The following RFWD3 variants were observed in gnomAD, a reference collection of about 807,000 sequenced individuals.
RFWD3 encodes the protein E3 ubiquitin-protein ligase RFWD3.
A neutral mutation model predicts 87.7 loss-of-function variants in RFWD3; 65 were observed. The observed-to-expected ratio is 0.74, with a 90% CI of 0.61 to 0.91. RFWD3 has a LOEUF of 0.91. Among genes scored for constraint, RFWD3 ranks in the 40% least tolerant of loss-of-function variants. The probability of loss-of-function intolerance (pLI) is 0.00; values close to 1 mark genes in which losing one functional copy is unlikely to be tolerated. For synonymous variants in RFWD3, 433 were observed against 352.8 expected, an observed-to-expected ratio of 1.23 and a Z score of -2.55; for missense variants, 1,078 against 938.5, an observed-to-expected ratio of 1.15 and a Z score of -1.94.
intron 6 of RFWD3, among the ~76,000 whole-genome samples, chr16:74,638,211 CGA>C (rs1959316001): frequency 1.3e-5 from 2 of 151,916 alleles, no homozygotes; most frequent in South Asian, 4.1e-4. Flanking sequence ...ACAGGCAAAA[CGA>C]GAGAACAGAG....
intron 3 of RFWD3, among the ~76,000 whole-genome samples, chr16:74,650,868 C>A (rs1960509768): frequency 6.6e-6 from 1 of 151,572 alleles, no homozygotes; most frequent in African/African-American, 2.4e-5. Flanking sequence ...CAGAGTGTAA[C>A]CCTGTCTCAA....
At chr16:74,626,283 C>T (rs751201026) in intron 12 of RFWD3, 60 bp downstream of exon 12, 188 of 1,495,592 alleles carry the variant, frequency 1.3e-4, no homozygotes, top group Non-Finnish European at 1.7e-4. Context: ...CATGTTTTCC[C>T]TTACCAATAT....
chr16:74,649,278 G>T, intron 3 of RFWD3, 76 bp from the exon 4 acceptor site: 1 of 1,053,650 alleles, frequency 9.5e-7, no homozygotes, highest in Non-Finnish European at 1.4e-6. Flanking sequence ...AAGCTAGCAG[G>T]AGAGAGCCTG....
chr16:74,641,045 G>A (rs777778054), intron 6 of RFWD3, among the ~76,000 whole-genome samples: 12 of 152,132 alleles, frequency 7.9e-5, no homozygotes, highest in Non-Finnish European at 1.3e-4. Flanking sequence ...TTTAGGTAAA[G>A]CTGAAATTAA....
At chr16:74,648,414 C>T (rs1960325491) in intron 4 of RFWD3, among the ~76,000 whole-genome samples, 1 of 151,298 alleles carries the variant, frequency 6.6e-6, no homozygotes, top group Non-Finnish European at 1.5e-5. Flanking sequence ...CTTGGCCTCC[C>T]AAAGTGCTGG....
chr16:74,650,912 C>A (rs1456559237), intron 3 of RFWD3, among the ~76,000 whole-genome samples: 4 of 151,430 alleles, frequency 2.6e-5, no homozygotes, highest in African/African-American at 9.7e-5. Context: ...AACAAAAAAA[C>A]CCACTTCATC....
intron 8 of RFWD3, among the ~76,000 whole-genome samples, chr16:74,635,239 C>A (rs1040644496): frequency 6.6e-6 from 1 of 151,544 alleles, no homozygotes; most frequent in South Asian, 2.1e-4. Context: ...ATAGAGACAG[C>A]GCCACTGCAG....
intron 2 of RFWD3, among the ~76,000 whole-genome samples, chr16:74,655,248 C>CT (rs1175694497): frequency 6.9e-4 from 104 of 151,204 alleles, no homozygotes; most frequent in African/African-American, 2.2e-3. Flanking sequence ...AGCCGATGCT[C>CT]TTTTTTTTTG....
At chr16:74,628,888 TAA>T (rs1417958650) in intron 10 of RFWD3, among the ~76,000 whole-genome samples, 2 of 151,982 alleles carry the variant, frequency 1.3e-5, no homozygotes, top group Admixed American at 1.3e-4. Context: ...CCAGATGCTC[TAA>T]AAGAAAAGGA....
intron 2 of RFWD3, among the ~76,000 whole-genome samples, chr16:74,652,880 A>G (rs1960669487): frequency 6.6e-6 from 1 of 152,180 alleles, no homozygotes; most frequent in South Asian, 2.1e-4. Flanking sequence ...AGGGTCTTAC[A>G]ATGTTGGCCA....
intron 9 of RFWD3, among the ~76,000 whole-genome samples, chr16:74,632,189 G>GC (rs1054205377): frequency 6.6e-6 from 1 of 151,780 alleles, no homozygotes; most frequent in Non-Finnish European, 1.5e-5. Flanking sequence ...AGGAGATTGA[G>GC]CCCATCCTGG....
chr16:74,632,683 G>A lies in RFWD3; in HGVS notation c.1427-10C>T, dbSNP rs748083506. 1 of 1,613,608 alleles carries A rather than the reference G, an allele frequency of 6.2e-7. No homozygotes were observed. Among genetic ancestry groups the A allele is most frequent in the South Asian group, 1.1e-5 (1 of 91,016 alleles). On this transcript the variant is annotated splice_polypyrimidine_tract_variant and intron_variant, in intron 8 of 12. Coordinates refer to ENST00000361070, the MANE Select transcript of RFWD3 (RefSeq NM_018124.4). The stretch of plus-strand genomic sequence containing the variant: ...ATCTTAACACCAAAGCCTGAAAAAG[G>A]CAAAATAGTATGAAATAGATCACTG...
chr16:74,647,871 C>A (rs183435208), intron 4 of RFWD3, among the ~76,000 whole-genome samples: 18 of 151,808 alleles, frequency 1.2e-4, no homozygotes, highest in Non-Finnish European at 2.4e-4. Flanking sequence ...GGATTATAGG[C>A]ATGGGCCACC....
intron 2 of RFWD3, among the ~76,000 whole-genome samples, chr16:74,656,308 CAAAAA>C (rs71158534): frequency 1.7e-4 from 11 of 64,220 alleles, no homozygotes; most frequent in African/African-American, 4.5e-4. Flanking sequence ...CTTGTCTTGC[CAAAAA>C]AAAAAAAAAA....
At position 74,654,885 on chromosome 16, in the gene RFWD3, G is replaced by T. The variant is rs562065058; in HGVS notation, c.519-2763C>A. Among the ~76,000 whole-genome samples, 5 of 152,300 alleles carry T rather than the reference G, an allele frequency of 3.3e-5. No individual in the cohort carries two copies. In the South Asian group the frequency reaches 1.0e-3, roughly 32 times the overall value. ...AAGTGAATCCCTAATCCAGAGGAAG[G>T]CCCCAACTCTCTTTAATTCTGTGAA... is the stretch of plus-strand genomic sequence containing the variant. On this transcript the variant is annotated intron_variant, in intron 2 of 12. Coordinates refer to ENST00000361070, the MANE Select transcript of RFWD3 (RefSeq NM_018124.4).
At chr16:74,660,556 T>C (rs1961346041) in intron 2 of RFWD3, 1 of 192,012 alleles carries the variant, frequency 5.2e-6, no homozygotes, top group African/African-American at 2.4e-5. Context: ...AAGAGGCAAG[T>C]TCAAACCAAG....
intron 12 of RFWD3, among the ~76,000 whole-genome samples, chr16:74,624,860 T>C (rs974943347): frequency 3.3e-5 from 5 of 152,026 alleles, no homozygotes; most frequent in African/African-American, 1.2e-4. Context: ...GGTGTAGTGG[T>C]GCATGCCCGC....
In RFWD3 at chr16:74,632,063, A is replaced by C. The variant is rs1040005130; in HGVS notation, c.1577+460T>G. On this transcript the variant is annotated intron_variant, in intron 9 of 12. Coordinates refer to ENST00000361070, the MANE Select transcript of RFWD3 (RefSeq NM_018124.4). ...TCTAAAAGCAATATATTTTAAATGG[A>C]TCTCAGAAGACACAGTCTCAGACCA... Among the ~76,000 whole-genome samples, 6 of 152,146 alleles carry C rather than the reference A, an allele frequency of 3.9e-5. No homozygotes were observed. The South Asian group carries it at 1.2e-3, about 32-fold the overall frequency.
intron 1 of RFWD3, among the ~76,000 whole-genome samples, chr16:74,663,942 C>G (rs1046446382): frequency 1.3e-5 from 2 of 152,172 alleles, no homozygotes; most frequent in Non-Finnish European, 2.9e-5. Flanking sequence ...TAGCTTGACT[C>G]CTACTCAAAC....
Sources: gnomAD v4.1 joint callset for allele counts (sites outside exome capture counted in the v4.1 genomes callset) on GRCh38, gnomAD v4.1.1 for gene constraint, MANE v1.5 for transcripts, NCBI Gene and HGNC (gene_info 2026-07-23, HGNC 2026-07-21) for gene names.